Variants in SLC35B4 observed in about 807,000 individuals in gnomAD.
The protein encoded by SLC35B4 is nucleotide sugar transporter SLC35B4.
A neutral mutation model predicts 39.5 loss-of-function variants in SLC35B4; 28 were observed. The observed-to-expected ratio is 0.71, with a 90% confidence interval of 0.53 to 0.97. The LOEUF is 0.97. Among genes scored for constraint, SLC35B4 ranks in the 50% least tolerant of loss-of-function variants. The pLI, the probability that SLC35B4 is intolerant of heterozygous loss-of-function variation, is 0.00. For missense variants in SLC35B4, 334 were observed against 414.3 expected, an observed-to-expected ratio of 0.81 and a Z score of 1.68; for synonymous variants, 145 against 150.4, an observed-to-expected ratio of 0.96 and a Z score of 0.26.
rs1177270699 is a variant in SLC35B4, at chr7:134,316,878, T to TG, written c.-128dup. The TG allele has an allele frequency of 4.5e-6, 4 of 887,704 alleles. No individual in the cohort carries two copies. The highest frequency in any genetic ancestry group is 6.8e-6 in the Non-Finnish European group (4 of 584,652). The allele number at this position is 887,704 out of a possible 1,614,324, so 55.0% of individuals were successfully genotyped here. A position where few individuals can be genotyped will look rare whatever the true frequency, so the allele number is the denominator to read the frequency against. On this transcript the variant is annotated 5_prime_UTR_variant, in exon 1 of 10. Transcript: ENST00000378509. Reference sequence around the variant, plus strand: ...CACCGTCCTGGAAAGCCGCTCTCACTGGGGGCCGCCGCGGTCTCCCCTTCT... The same window carrying TG: ...CACCGTCCTGGAAAGCCGCTCTCACTGGGGGGCCGCCGCGGTCTCCCCTTCT...
chr7:134,304,248 G>A (rs778067182), intron 4 of SLC35B4, among the ~76,000 whole-genome samples: 18 of 152,132 alleles, frequency 1.2e-4, no homozygotes, highest in Middle Eastern at 3.4e-3. Context: ...AAAGTTAGCC[G>A]GGCATGGTGG....
chr7:134,304,158 C>T (rs1803654864), intron 4 of SLC35B4, among the ~76,000 whole-genome samples: 1 of 152,164 alleles, frequency 6.6e-6, no homozygotes, highest in Admixed American at 6.5e-5. Flanking sequence ...TGTGAGTCTA[C>T]TGAGCACTGA....
At position 134,300,286 on chromosome 7, in the gene SLC35B4, A is replaced by G. The variant is rs116295965; in HGVS notation, c.488-25T>C. 2,223 of 1,491,752 alleles carry G rather than the reference A, an allele frequency of 1.5e-3. 34 individuals carry two copies. In the African/African-American group the frequency reaches 0.028, roughly 19 times the overall value. The allele number at this position is 1,491,752 out of a possible 1,614,324, so 92.4% of individuals were successfully genotyped here. On this transcript the variant is annotated intron_variant, in intron 6 of 9. Transcript: ENST00000378509. Reference sequence around the variant, plus strand: ...CCTAAAAAACAAACATCAGGTGACAAGATGTCTGCATTTGTTCATTTCCAG... The same window carrying G: ...CCTAAAAAACAAACATCAGGTGACAGGATGTCTGCATTTGTTCATTTCCAG...
Position 134,293,284 on chromosome 7 carries a change from T to C in SLC35B4, c.*1549A>G, listed in dbSNP as rs1329736833. 1.3e-5 allele frequency: 2 copies of C among 152,194 alleles called. No homozygotes were observed. The highest frequency in any genetic ancestry group is 2.9e-5 in the Non-Finnish European group (2 of 68,062). 9.4% of individuals were successfully genotyped at this position (152,194 alleles called of 1,614,324 possible). A position where few individuals can be genotyped will look rare whatever the true frequency, so the allele number is the denominator to read the frequency against. On this transcript the variant is annotated 3_prime_UTR_variant, in exon 10 of 10. Coordinates refer to ENST00000378509, the MANE Select transcript of SLC35B4 (RefSeq NM_032826.5). ...AAAGGGATGTGAAAGTGCAGCCACTTCCGTGCCCTTTGATCACACACAGAC... is the reference window on the plus strand; with the variant it reads ...AAAGGGATGTGAAAGTGCAGCCACTCCCGTGCCCTTTGATCACACACAGAC...
chr7:134,303,859 C>T lies in SLC35B4; in HGVS notation c.344+946G>A, dbSNP rs1049350527. On this transcript the variant is annotated intron_variant, in intron 4 of 9. Transcript: ENST00000378509. Reference sequence around the variant, plus strand: ...TCAGAATGAAGGTGACAGACAAAAACTTTGAAAAAGCATCCCAGGTACTTC... The same window carrying T: ...TCAGAATGAAGGTGACAGACAAAAATTTTGAAAAAGCATCCCAGGTACTTC... 2.6e-5 allele frequency among the ~76,000 whole-genome samples: 4 copies of T among 152,152 alleles called. 1 individual carries two copies. The highest frequency in any genetic ancestry group is 2.6e-4 in the Admixed American group (4 of 15,288).
chr7:134,300,927 T>A (rs539282297), intron 6 of SLC35B4, among the ~76,000 whole-genome samples: 107 of 110,902 alleles, frequency 9.6e-4, no homozygotes, highest in African/African-American at 3.7e-3. Flanking sequence ...TTGCATGGGT[T>A]TCATTTGCAT....
chr7:134,296,539 A>C, intron 8 of SLC35B4, 73 bp from the exon 9 acceptor site: 1 of 1,060,122 alleles, frequency 9.4e-7, no homozygotes, highest in Non-Finnish European at 1.4e-6. Flanking sequence ...GAACAGGGTA[A>C]TACAGACTGA....
At chr7:134,295,659 C>T (rs2117277204) in intron 9 of SLC35B4, among the ~76,000 whole-genome samples, 1 of 151,946 alleles carries the variant, frequency 6.6e-6, no homozygotes, top group South Asian at 2.1e-4. Flanking sequence ...TGATCAAGCT[C>T]ACTGCAGCCT....
At chr7:134,310,687 G>T (rs552825488) in intron 1 of SLC35B4, among the ~76,000 whole-genome samples, 1 of 152,094 alleles carries the variant, frequency 6.6e-6, no homozygotes, top group South Asian at 2.1e-4. Context: ...TGGGACTACA[G>T]GTGCCCGCCA....
rs568684895 is a variant in SLC35B4, at chr7:134,294,687, G to A, written c.*146C>T. ...GTCTACATGTGTCAGTCTGAGCAAC[G>A]TGAGAAGTCCCCTCCTGAAGATTTC... On this transcript the variant is annotated 3_prime_UTR_variant, in exon 10 of 10. Transcript: ENST00000378509. The A allele has an allele frequency of 4.5e-5, 44 of 982,182 alleles. No individual in the cohort carries two copies. The highest frequency in any genetic ancestry group is 3.1e-4 in the African/African-American group (19 of 61,166). 60.8% of individuals were successfully genotyped at this position (982,182 alleles called of 1,614,324 possible). A position where few individuals can be genotyped will look rare whatever the true frequency, so the allele number is the denominator to read the frequency against.
chr7:134,304,841 G>A lies in SLC35B4; in HGVS notation c.308C>T (p.Ala103Val). 6.2e-7 allele frequency: 1 copy of A among 1,612,460 alleles called. No homozygotes were observed. Among genetic ancestry groups the A allele is most frequent in the Non-Finnish European group, 8.5e-7 (1 of 1,178,602 alleles). ...AATGATAATTCCTAGAATCATGTTGGCAATTAGAGAACCCTGCAAAAGGAG... is the reference window on the plus strand; with the variant it reads ...AATGATAATTCCTAGAATCATGTTGACAATTAGAGAACCCTGCAAAAGGAG... ...HMIFRSGSLIANMILGIIILK... is the reference protein window; with the variant it reads ...HMIFRSGSLIVNMILGIIILK... Residue 103 changes from alanine to valine, a missense_variant, in exon 4 of 10, where the codon GCC (alanine) becomes GTC (valine). By Grantham distance (64) the Ala-to-Val change is moderately conservative (BLOSUM62 0). Transcript: ENST00000378509.
At chr7:134,305,133 C>T (rs952263062) in intron 3 of SLC35B4, among the ~76,000 whole-genome samples, 9 of 152,092 alleles carry the variant, frequency 5.9e-5, no homozygotes, top group African/African-American at 2.2e-4. Context: ...ACCAGCCCGG[C>T]CAACATGGTG....
At chr7:134,301,873 T>C in intron 5 of SLC35B4, 52 bp from the exon 6 acceptor site, 1 of 1,560,912 alleles carries the variant, frequency 6.4e-7, no homozygotes, top group Non-Finnish European at 8.8e-7. Context: ...ACGTGCAAGG[T>C]GCCGACATAC....
chr7:134,304,503 T>C lies in SLC35B4; in HGVS notation c.344+302A>G, dbSNP rs539028676. On this transcript the variant is annotated intron_variant, in intron 4 of 9. Transcript: ENST00000378509. ...CACACGTGGCTAGTGGTGACCATAC[T>C]GCACAGTGAACCTCTCTATCATCTT... Among the ~76,000 whole-genome samples, 14 of 152,330 alleles carry C rather than the reference T, an allele frequency of 9.2e-5. No individual in the cohort carries two copies. In the East Asian group the frequency reaches 2.7e-3, roughly 29 times the overall value.
intron 8 of SLC35B4, 109 bp from the exon 9 acceptor site, chr7:134,296,575 T>A: frequency 1.4e-6 from 1 of 728,294 alleles, no homozygotes; most frequent in Non-Finnish European, 2.3e-6. Flanking sequence ...CAACATTGTC[T>A]TCCTTGCAAA....
In SLC35B4 at chr7:134,292,288, T is replaced by C. The variant is rs1357501391; in HGVS notation, c.*2545A>G. 6.5e-6 allele frequency: 1 copy of C among 152,836 alleles called. No individual in the cohort carries two copies. The highest frequency in any genetic ancestry group is 1.5e-5 in the Non-Finnish European group (1 of 68,188). 9.5% of individuals were successfully genotyped at this position (152,836 alleles called of 1,614,324 possible). The stretch of plus-strand genomic sequence containing the variant: ...TTTTAAAGAGTAGTTTTAAAAAGTA[T>C]TAACTGGTGTCCATTAGACATATTT... On this transcript the variant is annotated 3_prime_UTR_variant, in exon 10 of 10. Transcript: ENST00000378509.
At chr7:134,295,150 T>C (rs940394909) in intron 9 of SLC35B4, 71 bp from the exon 10 acceptor site, 20 of 1,560,668 alleles carry the variant, frequency 1.3e-5, no homozygotes, top group Middle Eastern at 4.3e-4. Flanking sequence ...CCTTCTGGCA[T>C]GGTCCCTGGT....
chr7:134,306,887 G>A, intron 2 of SLC35B4, 113 bp from the exon 3 acceptor site: 1 of 733,050 alleles, frequency 1.4e-6, no homozygotes, highest in Non-Finnish European at 2.3e-6. Flanking sequence ...CCTCTGCGTT[G>A]CAAGATTGCA....
In SLC35B4 at chr7:134,292,223, T is replaced by C. The variant is rs1328250899; in HGVS notation, c.*2610A>G. On this transcript the variant is annotated 3_prime_UTR_variant, in exon 10 of 10. Coordinates refer to ENST00000378509, the MANE Select transcript of SLC35B4 (RefSeq NM_032826.5). ...ATAAAGGTTGAAAAAATGTCCACCC[T>C]GGATTAAAAAATCAGTTAACCAAGG... is the stretch of plus-strand genomic sequence containing the variant. 5 of 154,392 alleles carry C rather than the reference T, an allele frequency of 3.2e-5. No individual in the cohort carries two copies. Among genetic ancestry groups the C allele is most frequent in the Non-Finnish European group, 7.3e-5 (5 of 68,204 alleles). 9.6% of individuals were successfully genotyped at this position (154,392 alleles called of 1,614,324 possible). A position where few individuals can be genotyped will look rare whatever the true frequency, so the allele number is the denominator to read the frequency against.
Sources: allele counts gnomAD v4.1 joint callset (sites outside exome capture counted in the v4.1 genomes callset), GRCh38; gene constraint gnomAD v4.1.1; transcripts MANE v1.5; gene names NCBI Gene and HGNC (gene_info 2026-07-23, HGNC 2026-07-21).